SYN3: variants seen among roughly 807,000 people sequenced by gnomAD.
SYN3 encodes synapsin-3.
In SYN3, 35 loss-of-function variants were observed where a neutral mutation model predicts 65.8. That is an observed-to-expected ratio of 0.53 (90% confidence interval 0.41 to 0.70). The LOEUF (loss-of-function observed/expected upper bound fraction) is 0.70. Among genes scored for constraint, SYN3 ranks in the 30% least tolerant of loss-of-function variants. The pLI, the probability that SYN3 is intolerant of heterozygous loss-of-function variation, is 0.00. For synonymous variants in SYN3, 270 were observed against 292.9 expected, an observed-to-expected ratio of 0.92 and a Z score of 0.80; for missense variants, 680 against 749.0, an observed-to-expected ratio of 0.91 and a Z score of 1.08.
At chr22:32,962,564 C>T (rs990238325) in intron 3 of SYN3, among the ~76,000 whole-genome samples, 3 of 152,132 alleles carry the variant, frequency 2.0e-5, no homozygotes, top group Admixed American at 6.6e-5. Context: ...AGGAATGAGG[C>T]GGCGAGTTAG....
intron 6 of SYN3, among the ~76,000 whole-genome samples, chr22:32,847,715 G>T (rs2048108666): frequency 6.6e-6 from 1 of 152,236 alleles, no homozygotes; most frequent in Non-Finnish European, 1.5e-5. Context: ...GTGTTTGTGT[G>T]TGTGAAGGGT....
At chr22:32,579,917 A>T (rs185829145) in intron 7 of SYN3, among the ~76,000 whole-genome samples, 1 of 152,298 alleles carries the variant, frequency 6.6e-6, no homozygotes, top group Non-Finnish European at 1.5e-5. Flanking sequence ...TATAAACCAC[A>T]TGTTTATAGA....
chr22:32,671,476 TAC>T (rs1332319731), intron 6 of SYN3, among the ~76,000 whole-genome samples: 2 of 151,482 alleles, frequency 1.3e-5, no homozygotes, highest in Non-Finnish European at 2.9e-5. Context: ...CACCCACACT[TAC>T]ACACACATGC....
chr22:32,608,203 G>A (rs569944029), intron 6 of SYN3, among the ~76,000 whole-genome samples: 67 of 152,316 alleles, frequency 4.4e-4, no homozygotes, highest in African/African-American at 1.5e-3. Flanking sequence ...GAGTAGCTGG[G>A]ATTACAGGCA....
In SYN3 at chr22:32,801,381, G is replaced by A. The variant is rs1477517167; in HGVS notation, c.711+63534C>T. Among the ~76,000 whole-genome samples, 1 of 152,234 alleles carries A rather than the reference G, an allele frequency of 6.6e-6. No individual in the cohort carries two copies. The highest frequency in any genetic ancestry group is 2.4e-5 in the African/African-American group (1 of 41,472). ...TTCTGGTTTGGGTCAGAGACACCCA[G>A]TGGCCCAGGTGGGCGTGGGGCCAGG... On this transcript the variant is annotated intron_variant, in intron 6 of 13. Transcript: ENST00000358763. The surrounding 1 kb of genome is among the most constrained non-coding windows in gnomAD (Gnocchi z 4.7).
chr22:32,616,257 TG>T (rs1877720445), intron 6 of SYN3, among the ~76,000 whole-genome samples: 1 of 152,030 alleles, frequency 6.6e-6, no homozygotes, highest in Non-Finnish European at 1.5e-5. Flanking sequence ...AGCTGGTCCA[TG>T]GTCCTTTACT....
At chr22:32,798,406 C>T (rs1602172360) in intron 6 of SYN3, among the ~76,000 whole-genome samples, 1 of 152,072 alleles carries the variant, frequency 6.6e-6, no homozygotes, top group East Asian at 1.9e-4. Context: ...CTTCTCTGAA[C>T]CTTATTTTTC....
At chr22:33,014,063 C>G (rs1367608915) in intron 1 of SYN3, among the ~76,000 whole-genome samples, 12 of 136,204 alleles carry the variant, frequency 8.8e-5, no homozygotes, top group Non-Finnish European at 4.6e-5. Context: ...TACTAAGATG[C>G]CCAGCTAGTT....
intron 7 of SYN3, among the ~76,000 whole-genome samples, chr22:32,555,527 G>A (rs1322874279): frequency 6.6e-6 from 1 of 152,132 alleles, no homozygotes; most frequent in East Asian, 1.9e-4. Flanking sequence ...TGATGGCCGG[G>A]ACATACTGGT....
chr22:32,841,527 G>T (rs200052366), intron 6 of SYN3, among the ~76,000 whole-genome samples: 2 of 152,178 alleles, frequency 1.3e-5, no homozygotes, highest in East Asian at 3.9e-4. Flanking sequence ...AGCCCCGGGT[G>T]CAGGGAAGGC....
chr22:32,858,085 C>A, intron 6 of SYN3: 1 of 1,614,206 alleles, frequency 6.2e-7, no homozygotes, highest in African/African-American at 1.3e-5. Flanking sequence ...CCAGCTCACC[C>A]TCTCCCAGCG....
intron 7 of SYN3, among the ~76,000 whole-genome samples, chr22:32,553,714 G>T (rs757541002): frequency 6.6e-6 from 1 of 152,144 alleles, no homozygotes; most frequent in Non-Finnish European, 1.5e-5. Flanking sequence ...TGGCCTTTTG[G>T]TAGATAGGTC....
intron 1 of SYN3, among the ~76,000 whole-genome samples, chr22:33,022,579 G>A (rs470011): frequency 0.71 from 108,073 of 152,034 alleles, 39,030 homozygotes; most frequent in African/African-American, 0.79. Flanking sequence ...CATTGTTCTC[G>A]TGAGTGGGAC....
rs148699335 is a variant in SYN3, at chr22:33,048,917, C to G, written c.-163+9375G>C. ...TTCACCCCATGCCCTAGAGATTTGACAGTTACCTTAAAAACAGAGCAGCAT... is the reference window on the plus strand; with the variant it reads ...TTCACCCCATGCCCTAGAGATTTGAGAGTTACCTTAAAAACAGAGCAGCAT... On this transcript the variant is annotated intron_variant, in intron 1 of 13. Transcript: ENST00000358763. 3.4e-3 allele frequency among the ~76,000 whole-genome samples: 511 copies of G among 152,282 alleles called. 3 individuals carry two copies. The highest frequency in any genetic ancestry group is 0.012 in the African/African-American group (498 of 41,554).
chr22:32,954,320 T>G (rs1341874765), intron 3 of SYN3, among the ~76,000 whole-genome samples: 1 of 152,116 alleles, frequency 6.6e-6, no homozygotes, highest in Non-Finnish European at 1.5e-5. Context: ...CCACCACAGC[T>G]TCATCTCTCC....
intron 6 of SYN3, among the ~76,000 whole-genome samples, chr22:32,607,417 G>A (rs1363018995): frequency 1.3e-5 from 2 of 151,940 alleles, no homozygotes; most frequent in Non-Finnish European, 2.9e-5. Flanking sequence ...GCCACCACCC[G>A]CCCAGGTGCC....
chr22:33,018,179 G>A (rs78506), intron 1 of SYN3, among the ~76,000 whole-genome samples: 67,508 of 152,006 alleles, frequency 0.44, 15,245 homozygotes, highest in Middle Eastern at 0.54. Flanking sequence ...TTAGAAGGCC[G>A]TTGTAGTCAT....
chr22:32,959,929 G>A (rs1430735216), intron 3 of SYN3, among the ~76,000 whole-genome samples: 2 of 152,160 alleles, frequency 1.3e-5, no homozygotes, highest in Non-Finnish European at 2.9e-5. Flanking sequence ...AAGGGTTCAG[G>A]ACCTTCCAGC....
At chr22:32,603,877 G>A (rs1474475882) in intron 6 of SYN3, among the ~76,000 whole-genome samples, 3 of 152,238 alleles carry the variant, frequency 2.0e-5, no homozygotes, top group Admixed American at 2.0e-4. Flanking sequence ...GCCCAGTGGC[G>A]TAAGAGGCCT....
Sources: allele counts gnomAD v4.1 joint callset (sites outside exome capture counted in the v4.1 genomes callset), GRCh38; gene constraint gnomAD v4.1.1; non-coding constraint Gnocchi (gnomAD v3.1); transcripts MANE v1.5; gene names NCBI Gene and HGNC (gene_info 2026-07-23, HGNC 2026-07-21).